Variants in PEAR1 observed in about 807,000 individuals in gnomAD.
The protein encoded by PEAR1 is multiple EGF-like domains protein 12.
In PEAR1, 113 loss-of-function variants were observed where a neutral mutation model predicts 131.2. The ratio of observed to expected loss-of-function variants is 0.86; its 90% CI spans 0.74 to 1.01. PEAR1 has a LOEUF of 1.01. PEAR1 is among the 50% of genes least tolerant of loss of function. PEAR1 has a pLI of 0.00. For synonymous variants in PEAR1, 565 were observed against 523.3 expected, an observed-to-expected ratio of 1.08 and a Z score of -1.09; for missense variants, 1,408 against 1,391.1, an observed-to-expected ratio of 1.01 and a Z score of -0.19.
intron 1 of PEAR1, among the ~76,000 whole-genome samples, chr1:156,900,226 G>A (rs542012143): frequency 6.6e-6 from 1 of 152,238 alleles, no homozygotes; most frequent in East Asian, 1.9e-4. Flanking sequence ...TTTGCATCTC[G>A]AGGTGGAGGA....
In PEAR1 at chr1:156,905,291, G is replaced by C. The variant is rs752442706; in HGVS notation, c.207-33G>C. 5.0e-6 allele frequency: 8 copies of C among 1,598,158 alleles called. No individual in the cohort carries two copies. In the South Asian group the frequency reaches 8.8e-5, roughly 18 times the overall value. On this transcript the variant is annotated intron_variant, in intron 3 of 22. Transcript: ENST00000292357. ...CACTGTGGTGAGTGCGGACAGCAGG[G>C]AGGGCTGAGGGCCGCCTTCCTGGCC...
Position 156,909,875 on chromosome 1 carries a change from C to T in PEAR1, c.1536C>T (p.Thr512=). 6.2e-7 allele frequency: 1 copy of T among 1,610,978 alleles called. No individual in the cohort carries two copies. Among genetic ancestry groups the T allele is most frequent in the African/African-American group, 1.3e-5 (1 of 75,004 alleles). ...CSPQTGACTC[T]PGWHGAHCQL... is the part of the protein sequence containing the mutation. ...CCCAAACTGGAGCCTGTACCTGCAC[C>T]CCTGGGTGGCATGGGGCCCACTGCC... Residue 512 remains threonine (T), a synonymous_variant, in exon 12 of 23, where the codon ACC becomes ACT. Transcript: ENST00000292357.
chr1:156,902,555 T>C lies in PEAR1; in HGVS notation c.-9-1363T>C, dbSNP rs1649793064. Among the ~76,000 whole-genome samples the C allele has an allele frequency of 6.6e-6, 1 of 151,988 alleles. No individual in the cohort carries two copies. Among genetic ancestry groups the C allele is most frequent in the African/African-American group, 2.4e-5 (1 of 41,360 alleles). On this transcript the variant is annotated intron_variant, in intron 1 of 22. Coordinates refer to ENST00000292357, the MANE Select transcript of PEAR1 (RefSeq NM_001080471.3). The surrounding 1 kb of genome is among the most constrained non-coding windows in gnomAD (Gnocchi z 4.3). Reference sequence around the variant, plus strand: ...ACCTGGAGGGAAGGAGCGGCTGCCCTTCTTGGGGCTGAGAGTGGCTTTGGG... The same window carrying C: ...ACCTGGAGGGAAGGAGCGGCTGCCCCTCTTGGGGCTGAGAGTGGCTTTGGG...
chr1:156,898,513 G>A (rs1336971650), intron 1 of PEAR1, among the ~76,000 whole-genome samples: 1 of 152,250 alleles, frequency 6.6e-6, no homozygotes, highest in East Asian at 1.9e-4. Context: ...GTGTACATGG[G>A]TGTACTGGGT....
chr1:156,913,582 C>T (rs960591786), intron 20 of PEAR1, 59 bp downstream of exon 20: 67 of 1,603,920 alleles, frequency 4.2e-5, no homozygotes, highest in Non-Finnish European at 5.2e-5. Flanking sequence ...CCAGATGCCG[C>T]GTCTGAGTGT....
intron 1 of PEAR1, among the ~76,000 whole-genome samples, chr1:156,894,715 C>G (rs1292024863): frequency 1.3e-5 from 2 of 152,220 alleles, no homozygotes; most frequent in Non-Finnish European, 2.9e-5. Context: ...GCTCTCCACT[C>G]CCCTGTTCTG....
intron 1 of PEAR1, among the ~76,000 whole-genome samples, chr1:156,899,998 C>A (rs572845971): frequency 6.6e-6 from 1 of 152,122 alleles, no homozygotes; most frequent in African/African-American, 2.4e-5. Flanking sequence ...CACCCCTGCT[C>A]CCCTAGAGCC....
intron 1 of PEAR1, among the ~76,000 whole-genome samples, chr1:156,894,610 T>C (rs1648975413): frequency 6.6e-6 from 1 of 152,152 alleles, no homozygotes; most frequent in African/African-American, 2.4e-5. Context: ...TCTGAAGTTG[T>C]GCTAAGGGCC....
chr1:156,897,654 G>A (rs765843013), intron 1 of PEAR1, among the ~76,000 whole-genome samples: 2 of 152,244 alleles, frequency 1.3e-5, no homozygotes, highest in Non-Finnish European at 2.9e-5. Flanking sequence ...TGGTGACTGT[G>A]TGTTCCTGAG....
rs140869102 is a variant in PEAR1 at position 156,895,924 on chromosome 1, T to C, written c.-10+2087T>C. Among the ~76,000 whole-genome samples the C allele has an allele frequency of 1.8e-3, 273 of 152,272 alleles. 1 individual carries two copies. Among genetic ancestry groups the C allele is most frequent in the African/African-American group, 6.2e-3 (256 of 41,548 alleles). On this transcript the variant is annotated intron_variant, in intron 1 of 22. Coordinates refer to ENST00000292357, the MANE Select transcript of PEAR1 (RefSeq NM_001080471.3). ...AATGAGATTGCATCCCTACAATTTTTTTTTTTAATTAGCTTGGCATGGTGG... is the reference window on the plus strand; with the variant it reads ...AATGAGATTGCATCCCTACAATTTTCTTTTTTAATTAGCTTGGCATGGTGG...
Position 156,906,827 on chromosome 1 carries a change from C to G in PEAR1, c.591C>G (p.Pro197=), listed in dbSNP as rs754413441. The change falls in exon 6 of 23, where the codon CCC becomes CCG. Residue 197 remains proline (P), a synonymous_variant. Coordinates refer to ENST00000292357, the MANE Select transcript of PEAR1 (RefSeq NM_001080471.3). ...CQFRCQCHGA[P]CDPQTGACFC... The stretch of plus-strand genomic sequence containing the variant: ...TCCGCTGCCAGTGCCATGGGGCACC[C>G]TGCGATCCCCAGACTGGAGCCTGCT... 6 of 1,614,158 alleles carry G rather than the reference C, an allele frequency of 3.7e-6. No individual in the cohort carries two copies. The highest frequency in any genetic ancestry group is 5.1e-6 in the Non-Finnish European group (6 of 1,180,016).
intron 4 of PEAR1, among the ~76,000 whole-genome samples, chr1:156,905,943 C>G (rs1312310986): frequency 6.6e-6 from 1 of 152,164 alleles, no homozygotes; most frequent in African/African-American, 2.4e-5. Context: ...CGAGCCTCTG[C>G]AAACACTGCT....
Position 156,909,019 on chromosome 1 carries a change from A to C in PEAR1, c.1394A>C (p.Glu465Ala). The C allele has an allele frequency of 6.2e-7, 1 of 1,614,020 alleles. No homozygotes were observed. Among genetic ancestry groups the C allele is most frequent in the Non-Finnish European group, 8.5e-7 (1 of 1,180,008 alleles). The part of the protein sequence containing the change: ...NAIACSPIDG[E>A]CVCKEGWQRG... The stretch of plus-strand genomic sequence containing the variant: ...ATCGCCTGCTCACCCATCGACGGCG[A>C]GTGCGTCTGCAAGGAAGGTAATAGG... The change falls in exon 11 of 23, where the codon GAG becomes GCG. Residue 465 changes from glutamate (E) to alanine (A), a missense_variant. Physicochemically the swap from Glu to Ala is moderately radical, Grantham distance 107. Coordinates refer to ENST00000292357, the MANE Select transcript of PEAR1 (RefSeq NM_001080471.3).
chr1:156,913,152 G>A (rs1558148474), intron 18 of PEAR1, 42 bp from the exon 19 acceptor site: 3 of 1,596,644 alleles, frequency 1.9e-6, no homozygotes, highest in Non-Finnish European at 2.6e-6. Flanking sequence ...TTGGACTCCT[G>A]CCCATCGCTG....
intron 1 of PEAR1, among the ~76,000 whole-genome samples, chr1:156,896,836 C>T (rs1261703036): frequency 6.6e-6 from 1 of 152,204 alleles, no homozygotes; most frequent in Non-Finnish European, 1.5e-5. Context: ...ACTTGGAGGC[C>T]GGCCCTGAGG....
chr1:156,894,455 C>A (rs370888144), intron 1 of PEAR1, among the ~76,000 whole-genome samples: 3 of 152,190 alleles, frequency 2.0e-5, no homozygotes, highest in African/African-American at 7.2e-5. Context: ...CTCTGTCCAG[C>A]GGCAGGAATG....
chr1:156,907,520 A>T, intron 6 of PEAR1, 90 bp from the exon 7 acceptor site: 1 of 1,526,710 alleles, frequency 6.6e-7, no homozygotes, highest in South Asian at 1.3e-5. Context: ...CTAAGTCCTG[A>T]GGTGGGGGTT....
intron 1 of PEAR1, among the ~76,000 whole-genome samples, chr1:156,898,310 C>T (rs932102125): frequency 4.6e-5 from 7 of 152,192 alleles, no homozygotes; most frequent in African/African-American, 1.7e-4. Context: ...ACCTAGGACC[C>T]TCTAGCTTCT....
intron 1 of PEAR1, among the ~76,000 whole-genome samples, chr1:156,897,968 T>C (rs915451524): frequency 2.0e-4 from 30 of 151,932 alleles, no homozygotes; most frequent in Admixed American, 1.3e-4. Context: ...TTTCTGAAGG[T>C]AATCTCGGGG....
Sources: allele counts gnomAD v4.1 joint callset (sites outside exome capture counted in the v4.1 genomes callset), GRCh38; gene constraint gnomAD v4.1.1; non-coding constraint Gnocchi (gnomAD v3.1); transcripts MANE v1.5; gene names NCBI Gene and HGNC (gene_info 2026-07-23, HGNC 2026-07-21).